SLC25A26: variants seen among roughly 807,000 people sequenced by gnomAD.
SLC25A26 encodes mitochondrial S-adenosylmethionine carrier protein.
In SLC25A26, 36 loss-of-function variants were observed where a neutral mutation model predicts 37.8. The ratio of observed to expected loss-of-function variants is 0.95; its 90% CI spans 0.73 to 1.26. The LOEUF (loss-of-function observed/expected upper bound fraction) is 1.26. Among genes scored for constraint, SLC25A26 ranks in the 50% most tolerant of loss-of-function variants. The pLI, the probability that SLC25A26 is intolerant of heterozygous loss-of-function variation, is 0.00. For missense variants in SLC25A26, 390 were observed against 331.1 expected (o/e 1.18, Z -1.38); for synonymous variants, 129 against 122.5 (o/e 1.05, Z -0.35).
chr3:66,210,572 T>C (rs2071271858), intron 1 of SLC25A26, among the ~76,000 whole-genome samples: 1 of 152,008 alleles, frequency 6.6e-6, no homozygotes, highest in Non-Finnish European at 1.5e-5. Context: ...TGGAGTGCAG[T>C]GGTGTGATCT....
chr3:66,338,318 T>G (rs2076135332), intron 5 of SLC25A26, among the ~76,000 whole-genome samples: 1 of 152,054 alleles, frequency 6.6e-6, no homozygotes. Context: ...TGGACATATA[T>G]TGTCATTGCT....
chr3:66,308,387 TAAG>T (rs2075284439), intron 5 of SLC25A26, among the ~76,000 whole-genome samples: 1 of 152,190 alleles, frequency 6.6e-6, no homozygotes, highest in South Asian at 2.1e-4. Flanking sequence ...CTTATCGGCT[TAAG>T]GAGATTTGGG....
At chr3:66,190,980 G>T (rs2106789240) in intron 1 of SLC25A26, among the ~76,000 whole-genome samples, 1 of 152,198 alleles carries the variant, frequency 6.6e-6, no homozygotes, top group East Asian at 1.9e-4. Flanking sequence ...AATACATCTT[G>T]GTTTAGGCAA....
intron 1 of SLC25A26, among the ~76,000 whole-genome samples, chr3:66,178,188 C>T (rs1447004797): frequency 6.6e-6 from 1 of 152,118 alleles, no homozygotes; most frequent in African/African-American, 2.4e-5. Context: ...CTTCAATGGT[C>T]CTAGCTGGAG....
At chr3:66,319,348 A>G (rs917157979) in intron 5 of SLC25A26, among the ~76,000 whole-genome samples, 2 of 152,192 alleles carry the variant, frequency 1.3e-5, no homozygotes, top group Non-Finnish European at 1.5e-5. Context: ...TATTATGGCT[A>G]CGAAAATAAC....
intron 5 of SLC25A26, among the ~76,000 whole-genome samples, chr3:66,342,000 G>A (rs1012846445): frequency 2.0e-5 from 3 of 151,846 alleles, no homozygotes; most frequent in Non-Finnish European, 4.4e-5. Context: ...GGTTACCCCT[G>A]GGGTTGAATT....
intron 1 of SLC25A26, among the ~76,000 whole-genome samples, chr3:66,152,713 T>G (rs1232894812): frequency 6.6e-6 from 1 of 152,162 alleles, no homozygotes; most frequent in Non-Finnish European, 1.5e-5. Flanking sequence ...AATTTGTAAT[T>G]TATTTGGCTG....
rs893509695 is a variant in SLC25A26 at position 66,199,854 on chromosome 3, C to A, written c.-353-20888C>A. Among the ~76,000 whole-genome samples the A allele has an allele frequency of 1.1e-3, 167 of 152,234 alleles. 5 individuals are homozygous for A. Among genetic ancestry groups the A allele is most frequent in the African/African-American group, 3.7e-3 (154 of 41,532 alleles). ...ATCCTTATGCAGAGTTGATCCTAAC[C>A]CTGACCAGAGCTGCATTGACTCTGA... On this transcript the variant is annotated intron_variant, in intron 1 of 10. Coordinates refer to the SLC25A26 transcript ENST00000676754.
At chr3:66,206,160 A>C (rs1202446970) in intron 1 of SLC25A26, among the ~76,000 whole-genome samples, 3 of 152,174 alleles carry the variant, frequency 2.0e-5, no homozygotes, top group African/African-American at 7.2e-5. Context: ...TAGAGAAAAC[A>C]AGAGACACTA....
intron 5 of SLC25A26, among the ~76,000 whole-genome samples, chr3:66,334,772 C>A (rs796264577): frequency 4.4e-4 from 67 of 152,120 alleles, no homozygotes; most frequent in African/African-American, 1.3e-3. Flanking sequence ...TTGAGGGCAG[C>A]CATAGCTAAC....
chr3:66,156,482 G>C (rs1180286574), intron 1 of SLC25A26, among the ~76,000 whole-genome samples: 1 of 152,254 alleles, frequency 6.6e-6, no homozygotes, highest in South Asian at 2.1e-4. Flanking sequence ...TATTTTGATT[G>C]CCACTTAGTG....
intron 1 of SLC25A26, among the ~76,000 whole-genome samples, chr3:66,202,550 GA>G (rs1307232417): frequency 7.2e-6 from 1 of 138,844 alleles, no homozygotes; most frequent in Non-Finnish European, 1.6e-5. Context: ...AAAAAAAAAG[GA>G]AAGAAAAAAA....
At chr3:66,167,239 C>T (rs1475862843) in intron 1 of SLC25A26, among the ~76,000 whole-genome samples, 1 of 152,034 alleles carries the variant, frequency 6.6e-6, no homozygotes, top group Non-Finnish European at 1.5e-5. Flanking sequence ...CAAAGTAGGG[C>T]CACTTAGACT....
intron 1 of SLC25A26, among the ~76,000 whole-genome samples, chr3:66,137,191 A>C (rs1006090282): frequency 2.6e-5 from 4 of 151,400 alleles, no homozygotes; most frequent in African/African-American, 9.7e-5. Context: ...CCAAACACCA[A>C]ATCTACCTAT....
Position 66,369,186 on chromosome 3 carries a change from T to C in SLC25A26, c.569-292T>C, listed in dbSNP as rs80343885. 0.048 allele frequency among the ~76,000 whole-genome samples: 7,312 copies of C among 152,302 alleles called. 236 individuals are homozygous for C. The highest frequency in any genetic ancestry group is 0.08 in the South Asian group (386 of 4,824). On this transcript the variant is annotated intron_variant, in intron 7 of 9. Transcript: ENST00000354883. ...ATGTCATGTGTACACATTCATCATG[T>C]ATGTAAACATACACACTCATTAGTT... is the stretch of plus-strand genomic sequence containing the variant.
At chr3:66,160,954 AG>A (rs1193691933) in intron 1 of SLC25A26, among the ~76,000 whole-genome samples, 2 of 152,156 alleles carry the variant, frequency 1.3e-5, no homozygotes, top group African/African-American at 2.4e-5. Context: ...ATGTAATTAA[AG>A]GGAACACTTA....
intron 5 of SLC25A26, among the ~76,000 whole-genome samples, chr3:66,319,429 C>G (rs373767176): frequency 6.6e-6 from 1 of 151,972 alleles, no homozygotes; most frequent in Non-Finnish European, 1.5e-5. Flanking sequence ...AAAAACTTCG[C>G]GCGCTTTTAT....
At chr3:66,149,601 T>G (rs947224622) in intron 1 of SLC25A26, among the ~76,000 whole-genome samples, 3 of 152,194 alleles carry the variant, frequency 2.0e-5, no homozygotes, top group African/African-American at 7.2e-5. Context: ...ATAATAACCC[T>G]TAGAAGAAAA....
intron 3 of SLC25A26, among the ~76,000 whole-genome samples, chr3:66,257,577 G>A (rs1040310557): frequency 6.6e-6 from 1 of 152,268 alleles, no homozygotes; most frequent in East Asian, 1.9e-4. Flanking sequence ...AGAGTCATGG[G>A]CTCGGGCCTC....
Sources: gnomAD v4.1 joint callset for allele counts (sites outside exome capture counted in the v4.1 genomes callset) on GRCh38, gnomAD v4.1.1 for gene constraint, MANE v1.5 for transcripts, NCBI Gene and HGNC (gene_info 2026-07-23, HGNC 2026-07-21) for gene names.